The following HDGFL3 variants were observed in gnomAD, a reference collection of about 807,000 sequenced individuals.
HDGFL3 encodes hepatoma-derived growth factor-related protein 3.
HDGFL3 carries 6 observed loss-of-function variants against 27.6 expected under a neutral mutation model. The observed-to-expected ratio is 0.22, with a 90% CI of 0.12 to 0.43. The LOEUF (loss-of-function observed/expected upper bound fraction) is 0.43, where lower values mean the gene tolerates loss of function less well. HDGFL3 is among the 20% of genes least tolerant of loss of function. The pLI is 1.00. For synonymous variants in HDGFL3, 88 were observed against 88.9 expected, an observed-to-expected ratio of 0.99 and a Z score of 0.05; for missense variants, 207 against 250.1, an observed-to-expected ratio of 0.83 and a Z score of 1.16.
chr15:83,120,375 T>G (rs542372659), intron 3 of HDGFL3, among the ~76,000 whole-genome samples: 3 of 152,280 alleles, frequency 2.0e-5, no homozygotes, highest in African/African-American at 7.2e-5. Context: ...CACCCACAGC[T>G]TTTTTTCTGC....
At chr15:83,164,999 AAGTG>A (rs2037152391) in intron 1 of HDGFL3, among the ~76,000 whole-genome samples, 1 of 152,208 alleles carries the variant, frequency 6.6e-6, no homozygotes, top group South Asian at 2.1e-4. Flanking sequence ...TCAATTACAA[AAGTG>A]AGTATTTACA....
At chr15:83,158,710 C>G (rs2037061889) in intron 2 of HDGFL3, among the ~76,000 whole-genome samples, 1 of 152,168 alleles carries the variant, frequency 6.6e-6, no homozygotes, top group Admixed American at 6.5e-5. Context: ...TCTCTGTTAT[C>G]AGATGGAAAA....
chr15:83,169,414 C>CAAAAAAAAAAAAAAAAAAAAAAAAA (rs58159581), intron 1 of HDGFL3, among the ~76,000 whole-genome samples: 3 of 35,570 alleles, frequency 8.4e-5, no homozygotes, highest in East Asian at 1.0e-3. Context: ...GACTCCGTCT[C>CAAAAAAAAAAAAAAAAAAAAAAAAA]AAAAAAAAAA....
At chr15:83,142,950 GTTT>G (rs1461927374) in intron 5 of HDGFL3, among the ~76,000 whole-genome samples, 1 of 151,830 alleles carries the variant, frequency 6.6e-6, no homozygotes. Flanking sequence ...TTTAAAATTT[GTTT>G]TTATTTCTAA....
At chr15:83,186,363 A>T (rs558242418) in intron 1 of HDGFL3, among the ~76,000 whole-genome samples, 91 of 152,336 alleles carry the variant, frequency 6.0e-4, no homozygotes, top group African/African-American at 2.0e-3. Flanking sequence ...CTTATCGCTC[A>T]ACTGAACACT....
chr15:83,189,814 G>A (rs1184066622), intron 1 of HDGFL3, among the ~76,000 whole-genome samples: 1 of 152,108 alleles, frequency 6.6e-6, no homozygotes, highest in East Asian at 1.9e-4. Context: ...TAATTGCAAA[G>A]GTACTCTGAT....
intron 1 of HDGFL3, among the ~76,000 whole-genome samples, chr15:83,177,862 CAG>C (rs1037167382): frequency 1.3e-5 from 2 of 152,148 alleles, no homozygotes; most frequent in African/African-American, 4.8e-5. Flanking sequence ...CTCTGTGAAA[CAG>C]AAACTAGTTG....
intron 4 of HDGFL3, among the ~76,000 whole-genome samples, chr15:83,155,536 T>A (rs776842430): frequency 5.9e-5 from 9 of 152,200 alleles, no homozygotes; most frequent in Non-Finnish European, 1.2e-4. Flanking sequence ...AAAAAGTAAT[T>A]ACAATGGAAG....
chr15:83,140,864 TA>T (rs2151392875), intron 5 of HDGFL3, among the ~76,000 whole-genome samples: 1 of 152,286 alleles, frequency 6.6e-6, no homozygotes, highest in African/African-American at 2.4e-5. Context: ...ATAATCACAG[TA>T]AAAACTACTC....
intron 5 of HDGFL3, among the ~76,000 whole-genome samples, chr15:83,139,988 T>C (rs1281304769): frequency 3.9e-5 from 6 of 152,174 alleles, no homozygotes; most frequent in South Asian, 2.1e-4. Flanking sequence ...AACCCAAATA[T>C]ATTAAACCCC....
chr15:83,169,087 T>G (rs868494964), intron 1 of HDGFL3: 6 of 198,032 alleles, frequency 3.0e-5, no homozygotes, highest in Middle Eastern at 1.1e-3. Flanking sequence ...ATCAAAACCC[T>G]CAAGAAACTA....
chr15:83,203,814 T>C (rs991952682), intron 1 of HDGFL3, among the ~76,000 whole-genome samples: 1 of 151,594 alleles, frequency 6.6e-6, no homozygotes, highest in Non-Finnish European at 1.5e-5. Flanking sequence ...TATTTTATGC[T>C]GTATATAGTA....
chr15:83,203,137 G>A (rs1455918538), intron 1 of HDGFL3, among the ~76,000 whole-genome samples: 1 of 152,014 alleles, frequency 6.6e-6, no homozygotes, highest in South Asian at 2.1e-4. Flanking sequence ...GTTTTTAAGT[G>A]TAAAAAAGTG....
At chr15:83,123,371 C>G (rs558017919), downstream of HDGFL3, among the ~76,000 whole-genome samples, 4 of 152,324 alleles carry the variant, frequency 2.6e-5, no homozygotes, top group South Asian at 8.3e-4. Flanking sequence ...TGAGACACCT[C>G]CCTTCCATTC....
intron 3 of HDGFL3, chr15:83,121,885 T>C (rs1315859399): frequency 1.1e-5 from 16 of 1,515,392 alleles, no homozygotes; most frequent in Non-Finnish European, 1.4e-5. Flanking sequence ...AAGACAAACA[T>C]ACCAAGTCAA....
At chr15:83,144,521 G>A (rs2036852295) in intron 5 of HDGFL3, 1 of 455,922 alleles carries the variant, frequency 2.2e-6, no homozygotes, top group Admixed American at 2.3e-5. Context: ...CTCTGATGAA[G>A]CCAGCTGCCA....
intron 5 of HDGFL3, among the ~76,000 whole-genome samples, chr15:83,144,254 C>T (rs2036845038): frequency 6.6e-6 from 1 of 152,200 alleles, no homozygotes; most frequent in African/African-American, 2.4e-5. Context: ...TGGTGTGAGC[C>T]AGTTCTAATC....
chr15:83,157,573 C>T lies in HDGFL3; in HGVS notation c.301G>A (p.Ala101Thr), dbSNP rs2037048350. Residue 101 changes from alanine (A) to threonine (T), a missense_variant and splice_region_variant, in exon 4 of 6, where the codon GCA becomes ACA. Physicochemically the swap from Ala to Thr is moderately conservative, Grantham distance 58 (BLOSUM62 0). Coordinates refer to ENST00000299633, the MANE Select transcript of HDGFL3 (RefSeq NM_016073.4). ...NPGVKFTGYQ[A>T]IQQQSSSETE... ...TCTGAAGAGCTCTGTTGCTGAATTG[C>T]CTAAGAAATAATAAAATATTAGCTG... 1.2e-6 allele frequency: 2 copies of T among 1,607,728 alleles called. No homozygotes were observed. The highest frequency in any genetic ancestry group is 4.5e-5 in the East Asian group (2 of 44,822).
intron 2 of HDGFL3, among the ~76,000 whole-genome samples, chr15:83,162,155 C>G (rs2037109180): frequency 6.6e-6 from 1 of 152,064 alleles, no homozygotes; most frequent in South Asian, 2.1e-4. Context: ...AAACACCTAC[C>G]ATGGGCCAGG....
Sources: allele counts gnomAD v4.1 joint callset (sites outside exome capture counted in the v4.1 genomes callset), GRCh38; gene constraint gnomAD v4.1.1; transcripts MANE v1.5; gene names NCBI Gene and HGNC (gene_info 2026-07-23, HGNC 2026-07-21).